Variants in LRFN2 observed in about 807,000 individuals in gnomAD.
LRFN2 encodes leucine rich repeat and fibronectin type III domain containing 2, also known as leucine-rich repeat and fibronectin type-III domain-containing protein 2.
A neutral mutation model predicts 37.3 loss-of-function variants in LRFN2; 18 were observed. The observed-to-expected ratio is 0.48, with a 90% CI of 0.33 to 0.72. The LOEUF is 0.72. Ranked by LOEUF, LRFN2 falls within the 30% of genes least tolerant of loss-of-function variation. The pLI is 0.02. For synonymous variants in LRFN2, 556 were observed against 466.6 expected, an observed-to-expected ratio of 1.19 and a Z score of -2.47; for missense variants, 1,006 against 1,060.7, an observed-to-expected ratio of 0.95 and a Z score of 0.72.
At chr6:40,546,475 C>T (rs1766663203) in intron 1 of LRFN2, among the ~76,000 whole-genome samples, 1 of 152,192 alleles carries the variant, frequency 6.6e-6, no homozygotes, top group Non-Finnish European at 1.5e-5. Flanking sequence ...TAGCTGGGCT[C>T]AAGTCCTAAA....
intron 1 of LRFN2, among the ~76,000 whole-genome samples, chr6:40,543,871 G>A (rs1766602926): frequency 6.6e-6 from 1 of 152,208 alleles, no homozygotes; most frequent in Non-Finnish European, 1.5e-5. Context: ...TGCCCTTGGT[G>A]TGGCAAATGC....
chr6:40,489,463 C>T (rs1328950812), intron 1 of LRFN2, among the ~76,000 whole-genome samples: 6 of 152,222 alleles, frequency 3.9e-5, no homozygotes, highest in Admixed American at 3.3e-4. Context: ...CCAGGCTCTC[C>T]TCAACCCACC....
chr6:40,492,277 C>T (rs531048970), intron 1 of LRFN2, among the ~76,000 whole-genome samples: 9 of 152,254 alleles, frequency 5.9e-5, no homozygotes, highest in African/African-American at 2.2e-4. Context: ...GCGTGAAGGG[C>T]GGGAAGGTGC....
chr6:40,445,345 G>T, intron 1 of LRFN2, among the ~76,000 whole-genome samples: 1 of 152,186 alleles, frequency 6.6e-6, no homozygotes, highest in East Asian at 1.9e-4. Flanking sequence ...GGCAGAGTTG[G>T]AATCGCAGTC....
intron 1 of LRFN2, among the ~76,000 whole-genome samples, chr6:40,545,895 T>A (rs77199529): frequency 0.027 from 4,181 of 152,306 alleles, 89 homozygotes; most frequent in Admixed American, 0.04. Flanking sequence ...AGGGACTTTT[T>A]AAAAATTGTT....
chr6:40,396,390 G>A lies in LRFN2; in HGVS notation c.1401-3478C>T, dbSNP rs76865639. Among the ~76,000 whole-genome samples the A allele has an allele frequency of 4.6e-3, 696 of 152,170 alleles. 1 individual carries two copies. The highest frequency in any genetic ancestry group is 0.016 in the African/African-American group (657 of 41,506). ...CTGCCCCGTCTTCCTGCCCTTCCTG[G>A]GCAACTTTGTGAGGAACCCTGCCTG... is the stretch of plus-strand genomic sequence containing the variant. On this transcript the variant is annotated intron_variant, in intron 2 of 2. Transcript: ENST00000338305.
At chr6:40,557,679 C>T (rs1468158237) in intron 1 of LRFN2, among the ~76,000 whole-genome samples, 1 of 152,124 alleles carries the variant, frequency 6.6e-6, no homozygotes, top group Non-Finnish European at 1.5e-5. Flanking sequence ...CAGAGATGGT[C>T]CTACACAAAT....
intron 2 of LRFN2, among the ~76,000 whole-genome samples, chr6:40,422,089 C>T (rs563613049): frequency 1.3e-5 from 2 of 152,254 alleles, no homozygotes; most frequent in East Asian, 3.9e-4. Flanking sequence ...AAAAATGGCT[C>T]CAGTGAGCTG....
At chr6:40,414,748 G>A (rs918557888) in intron 2 of LRFN2, among the ~76,000 whole-genome samples, 10 of 152,190 alleles carry the variant, frequency 6.6e-5, no homozygotes, top group Non-Finnish European at 2.9e-5. Context: ...GCCCCCCCAG[G>A]CGGGGTCACT....
chr6:40,580,731 G>A (rs1400313697), intron 1 of LRFN2, among the ~76,000 whole-genome samples: 1 of 152,206 alleles, frequency 6.6e-6, no homozygotes, highest in African/African-American at 2.4e-5. Context: ...ATGTCTTTGA[G>A]GGAGAAGCCA....
rs1299026655 is a variant in LRFN2 at position 40,519,897 on chromosome 6, C to T, written c.-19+67044G>A. ...TCAATAAACTTGAAGTGTGCACATG[C>T]CATGTGCCAAGCACTATCCTAGGCA... On this transcript the variant is annotated intron_variant, in intron 1 of 2. Coordinates refer to ENST00000338305, the MANE Select transcript of LRFN2 (RefSeq NM_020737.3). Among the ~76,000 whole-genome samples the T allele has an allele frequency of 1.3e-5, 2 of 152,162 alleles. 1 individual carries two copies. Among genetic ancestry groups the T allele is most frequent in the Middle Eastern group, 6.3e-3 (2 of 316 alleles).
At chr6:40,534,403 C>A (rs1393795478) in intron 1 of LRFN2, among the ~76,000 whole-genome samples, 1 of 151,982 alleles carries the variant, frequency 6.6e-6, no homozygotes, top group African/African-American at 2.4e-5. Context: ...CCTGAGACCC[C>A]CCCACTCCCC....
chr6:40,561,048 T>C (rs1766984149), intron 1 of LRFN2, among the ~76,000 whole-genome samples: 1 of 152,178 alleles, frequency 6.6e-6, no homozygotes, highest in South Asian at 2.1e-4. Flanking sequence ...ATCCTTCACC[T>C]AGTATTATAA....
At chr6:40,426,410 G>A (rs1581695976) in intron 2 of LRFN2, among the ~76,000 whole-genome samples, 1 of 152,228 alleles carries the variant, frequency 6.6e-6, no homozygotes, top group South Asian at 2.1e-4. Context: ...TTTATTTCCA[G>A]TCTGTCCAGT....
At chr6:40,573,746 G>C (rs1244948082) in intron 1 of LRFN2, among the ~76,000 whole-genome samples, 1 of 152,176 alleles carries the variant, frequency 6.6e-6, no homozygotes, top group Non-Finnish European at 1.5e-5. Flanking sequence ...GGGAGGCCGA[G>C]GCAGGTGAAT....
intron 1 of LRFN2, among the ~76,000 whole-genome samples, chr6:40,464,444 C>T (rs561784387): frequency 6.6e-6 from 1 of 152,156 alleles, no homozygotes; most frequent in Non-Finnish European, 1.5e-5. Context: ...AATTAGTTGT[C>T]CACTCCCCTC....
At chr6:40,575,298 C>G (rs191797943) in intron 1 of LRFN2, among the ~76,000 whole-genome samples, 1 of 152,308 alleles carries the variant, frequency 6.6e-6, no homozygotes, top group Admixed American at 6.5e-5. Context: ...AGCCCAGCTC[C>G]GAGGTGCTCC....
chr6:40,502,570 T>C (rs758491060), intron 1 of LRFN2, among the ~76,000 whole-genome samples: 16 of 152,086 alleles, frequency 1.1e-4, no homozygotes, highest in Admixed American at 1.3e-4. Context: ...CCTGGAACGA[T>C]GGGGAATTGG....
At chr6:40,406,708 T>C (rs906878096) in intron 2 of LRFN2, among the ~76,000 whole-genome samples, 1 of 152,230 alleles carries the variant, frequency 6.6e-6, no homozygotes, top group Non-Finnish European at 1.5e-5. Flanking sequence ...ACCAGCCCAA[T>C]GCAACCCCAC....
Sources: gnomAD v4.1 joint callset for allele counts (sites outside exome capture counted in the v4.1 genomes callset) on GRCh38, gnomAD v4.1.1 for gene constraint, MANE v1.5 for transcripts, NCBI Gene and HGNC (gene_info 2026-07-23, HGNC 2026-07-21) for gene names.